Variants in PDK3 observed in about 807,000 individuals in gnomAD.
PDK3 encodes the protein pyruvate dehydrogenase kinase 3, also known as pyruvate dehydrogenase kinase, isozyme 3.
PDK3 carries 12 observed loss-of-function variants against 32.0 expected under a neutral mutation model. That is an observed-to-expected ratio of 0.37 (90% CI 0.24 to 0.61). The LOEUF is 0.61. Ranked by LOEUF, PDK3 falls within the 20% of genes least tolerant of loss-of-function variation. The pLI is 0.65. For synonymous variants in PDK3, 122 were observed against 116.3 expected (o/e 1.05, Z -0.31); for missense variants, 188 against 316.9 (o/e 0.59, Z 3.09).
intron 2 of PDK3, among the ~76,000 whole-genome samples, chrX:24,496,140 T>A: frequency 9.0e-6 from 1 of 111,721 alleles, no homozygotes; most frequent in Non-Finnish European, 1.9e-5. Flanking sequence ...AACATTCTAT[T>A]TTGAAATACT....
intron 10 of PDK3, among the ~76,000 whole-genome samples, chrX:24,532,692 G>A (rs1299279005): frequency 2.7e-5 from 3 of 112,070 alleles, no homozygotes; most frequent in East Asian, 2.8e-4. Flanking sequence ...CGGTCTCAGC[G>A]TCTTATGGAT....
chrX:24,481,443 T>TA (rs755884316), intron 1 of PDK3, among the ~76,000 whole-genome samples: 1 of 112,170 alleles, frequency 8.9e-6, no homozygotes, highest in South Asian at 3.6e-4. Context: ...TAAATAACTG[T>TA]ATAGAGAGAC....
chrX:24,532,641 C>A (rs1922677671), intron 10 of PDK3, among the ~76,000 whole-genome samples: 1 of 111,996 alleles, frequency 8.9e-6, no homozygotes, highest in African/African-American at 3.2e-5. Context: ...TCTCCTCCCA[C>A]TGGCCCTAAA....
In PDK3 at chrX:24,498,871, G is replaced by A; in HGVS notation, c.291G>A (p.Lys97=). The A allele has an allele frequency of 8.8e-7, 1 of 1,142,107 alleles. No individual in the cohort carries two copies. Among genetic ancestry groups the A allele is most frequent in the Non-Finnish European group, 1.2e-6 (1 of 846,710 alleles). The allele number at this position is 1,142,107 out of a possible 1,213,427, so 94.1% of individuals were successfully genotyped here. A position where few individuals can be genotyped will look rare whatever the true frequency, so the allele number is the denominator to read the frequency against. Residue 97 remains lysine, a synonymous_variant, in exon 3 of 11, where the codon AAG becomes AAA. Transcript: ENST00000379162. ...SFLELLEYEN[K]SPEDPQVLDN... ...TTGAACTTTTAGAATATGAAAATAAGAGCCCTGAGGATCCACAGGTCTTGG... is the reference window on the plus strand; with the variant it reads ...TTGAACTTTTAGAATATGAAAATAAAAGCCCTGAGGATCCACAGGTCTTGG...
chrX:24,496,560 ACC>A (rs1921707278), intron 2 of PDK3, among the ~76,000 whole-genome samples: 1 of 43,796 alleles, frequency 2.3e-5, no homozygotes, highest in Non-Finnish European at 4.4e-5. Flanking sequence ...TCCTGATACT[ACC>A]CCCATCTTTT....
chrX:24,487,253 CTT>C (rs1921424589), intron 1 of PDK3, among the ~76,000 whole-genome samples: 1 of 112,240 alleles, frequency 8.9e-6, no homozygotes, highest in African/African-American at 3.2e-5. Flanking sequence ...AAATTAATGA[CTT>C]ATTCTAAAAT....
chrX:24,484,308 C>A (rs889944416), intron 1 of PDK3, among the ~76,000 whole-genome samples: 7 of 112,638 alleles, frequency 6.2e-5, no homozygotes, highest in African/African-American at 2.3e-4. Flanking sequence ...CATGCCCAGC[C>A]AGGAAATATT....
At chrX:24,524,602 C>G (rs1223146469) in intron 6 of PDK3, among the ~76,000 whole-genome samples, 1 of 111,618 alleles carries the variant, frequency 9.0e-6, no homozygotes, top group Admixed American at 9.5e-5. Flanking sequence ...CTACAGTGAT[C>G]AATATTTACA....
intron 5 of PDK3, among the ~76,000 whole-genome samples, chrX:24,511,457 A>G (rs1475671169): frequency 8.9e-6 from 1 of 112,068 alleles, no homozygotes; most frequent in Non-Finnish European, 1.9e-5. Context: ...TGAGAATCCT[A>G]CATGGTTTAA....
intron 1 of PDK3, among the ~76,000 whole-genome samples, chrX:24,481,575 G>A (rs1223490827): frequency 1.8e-5 from 2 of 111,678 alleles, no homozygotes; most frequent in African/African-American, 6.5e-5. Context: ...TGTTGGTGGT[G>A]GGGCCTGGTG....
intron 6 of PDK3, among the ~76,000 whole-genome samples, chrX:24,519,260 T>TAA (rs1240150272): frequency 9.1e-6 from 1 of 110,226 alleles, no homozygotes; most frequent in Non-Finnish European, 1.9e-5. Context: ...TAGAAAGGTA[T>TAA]AAATAGGCCC....
intron 2 of PDK3, among the ~76,000 whole-genome samples, chrX:24,496,568 C>CTTTTTTTTTTTTTTTTTGTTTTT (rs1921708854): frequency 2.5e-5 from 1 of 39,324 alleles, no homozygotes; most frequent in Non-Finnish European, 4.4e-5. Context: ...CTACCCCCAT[C>CTTTTTTTTTTTTTTTTTGTTTTT]TTTTTTTTTT....
At chrX:24,487,347 A>C (rs1921427175) in intron 1 of PDK3, among the ~76,000 whole-genome samples, 1 of 111,922 alleles carries the variant, frequency 8.9e-6, no homozygotes, top group Non-Finnish European at 1.9e-5. Flanking sequence ...CATGGACATA[A>C]ACATGGGGAC....
At chrX:24,516,996 A>G (rs1320656048) in intron 5 of PDK3, among the ~76,000 whole-genome samples, 1 of 108,901 alleles carries the variant, frequency 9.2e-6, no homozygotes, top group African/African-American at 3.4e-5. Flanking sequence ...GGGTGTCACC[A>G]TGTTGGCTAG....
chrX:24,521,787 G>A (rs1328895525), intron 6 of PDK3, among the ~76,000 whole-genome samples: 1 of 111,796 alleles, frequency 8.9e-6, no homozygotes, highest in Non-Finnish European at 1.9e-5. Context: ...ATTGTCTCAC[G>A]AATTACAGAA....
intron 1 of PDK3, among the ~76,000 whole-genome samples, chrX:24,481,094 A>T (rs1458148213): frequency 9.7e-6 from 1 of 103,070 alleles, no homozygotes; most frequent in Admixed American, 1.1e-4. Context: ...CCCAGGCTGG[A>T]GTGGAGTGGC....
exon 12 of PDK3, chrX:24,549,129 T>G (rs1471310245): frequency 2.7e-5 from 3 of 111,762 alleles, no homozygotes; most frequent in Non-Finnish European, 1.9e-5. Context: ...TCTGTCACTT[T>G]AGGGATTTGA....
At chrX:24,484,591 A>T (rs2148184232) in intron 1 of PDK3, among the ~76,000 whole-genome samples, 1 of 112,161 alleles carries the variant, frequency 8.9e-6, no homozygotes, top group African/African-American at 3.2e-5. Context: ...AGAGGGGATC[A>T]AGGGACTACT....
chrX:24,537,117 C>CTTTTTTTTTTTT (rs34294652), downstream of PDK3, among the ~76,000 whole-genome samples: 2 of 82,751 alleles, frequency 2.4e-5, no homozygotes, highest in Non-Finnish European at 4.7e-5. Flanking sequence ...CTTTTCTTTT[C>CTTTTTTTTTTTT]TTTTTTTTTT....
Sources: gnomAD v4.1 joint callset for allele counts (sites outside exome capture counted in the v4.1 genomes callset) on GRCh38, gnomAD v4.1.1 for gene constraint, MANE v1.5 for transcripts, NCBI Gene and HGNC (gene_info 2026-07-23, HGNC 2026-07-21) for gene names.